Variants in NDEL1 observed in about 807,000 individuals in gnomAD.
NDEL1 encodes nudE neurodevelopment protein 1 like 1.
NDEL1 carries 9 observed loss-of-function variants against 45.7 expected under a neutral mutation model. The observed-to-expected ratio is 0.20, with a 90% CI of 0.12 to 0.34. NDEL1 has a LOEUF of 0.34. Ranked by LOEUF, NDEL1 falls within the 10% of genes least tolerant of loss-of-function variation. The probability of loss-of-function intolerance (pLI) is 1.00; values close to 1 mark genes in which losing one functional copy is unlikely to be tolerated. For missense variants in NDEL1, 306 were observed against 406.2 expected (o/e 0.75, Z 2.12); for synonymous variants, 133 against 158.6 (o/e 0.84, Z 1.21).
At chr17:8,417,633 AC>A (rs888211918) in intron 1 of NDEL1, among the ~76,000 whole-genome samples, 6 of 151,544 alleles carry the variant, frequency 4.0e-5, no homozygotes. Context: ...ATGATTGGGA[AC>A]CCCCCAGAAG....
At chr17:8,463,282 C>A in intron 8 of NDEL1, 1 of 1,547,152 alleles carries the variant, frequency 6.5e-7, no homozygotes, top group South Asian at 1.1e-5. Flanking sequence ...AAATAGTATT[C>A]GTATTACTGT....
At chr17:8,440,026 G>GCTA (rs1909627438) in intron 1 of NDEL1, among the ~76,000 whole-genome samples, 1 of 152,172 alleles carries the variant, frequency 6.6e-6, no homozygotes, top group South Asian at 2.1e-4. Context: ...TAACCACTAT[G>GCTA]CTATGCTGCT....
chr17:8,461,680 G>A (rs1273279526), intron 8 of NDEL1, among the ~76,000 whole-genome samples: 1 of 152,194 alleles, frequency 6.6e-6, no homozygotes, highest in Non-Finnish European at 1.5e-5. Flanking sequence ...GGAATGACTG[G>A]ATGGTTTTAC....
At chr17:8,426,432 T>A (rs1412893421) in intron 1 of NDEL1, among the ~76,000 whole-genome samples, 1 of 152,224 alleles carries the variant, frequency 6.6e-6, no homozygotes, top group Admixed American at 6.5e-5. Context: ...TATAAAGGTA[T>A]GTGAGCACAT....
At position 8,416,443 on chromosome 17, in the gene NDEL1, A is replaced by G. The variant is rs547770139; in HGVS notation, c.-13+3174A>G. 1.3e-3 allele frequency among the ~76,000 whole-genome samples: 202 copies of G among 152,256 alleles called. 6 individuals carry two copies. The highest frequency in any genetic ancestry group is 6.2e-4 in the South Asian group (3 of 4,824). On this transcript the variant is annotated intron_variant, in intron 1 of 4. Coordinates refer to the NDEL1 transcript ENST00000582812. Reference sequence around the variant, plus strand: ...TATACTTGTTGAAGGGTCTGGCTTGATTTAGAATACTTGTTGGAAATGATT... The same window carrying G: ...TATACTTGTTGAAGGGTCTGGCTTGGTTTAGAATACTTGTTGGAAATGATT...
chr17:8,472,070 G>A (rs915039667), downstream of NDEL1, among the ~76,000 whole-genome samples: 1 of 152,122 alleles, frequency 6.6e-6, no homozygotes, highest in Middle Eastern at 3.4e-3. Flanking sequence ...TCTTTTTTTG[G>A]GAGTGAAGGA....
At chr17:8,420,366 T>G (rs1387941865) in intron 1 of NDEL1, among the ~76,000 whole-genome samples, 2 of 152,248 alleles carry the variant, frequency 1.3e-5, no homozygotes, top group African/African-American at 2.4e-5. Context: ...TGTCCCATAC[T>G]AAATATTCAA....
upstream of NDEL1, among the ~76,000 whole-genome samples, chr17:8,430,911 G>A (rs1032376720): frequency 6.6e-6 from 1 of 152,206 alleles, no homozygotes; most frequent in Non-Finnish European, 1.5e-5. Flanking sequence ...ATCTCCCAGG[G>A]AGAAAGCTCA....
intron 1 of NDEL1, among the ~76,000 whole-genome samples, chr17:8,439,640 A>G (rs927161853): frequency 6.6e-6 from 1 of 152,172 alleles, no homozygotes; most frequent in African/African-American, 2.4e-5. Context: ...AGCAATGGTG[A>G]TATCACTGGA....
downstream of NDEL1, among the ~76,000 whole-genome samples, chr17:8,469,466 G>GCAGC (rs1375849105): frequency 6.6e-6 from 1 of 152,064 alleles, no homozygotes; most frequent in Non-Finnish European, 1.5e-5. Flanking sequence ...GCCAATTGCT[G>GCAGC]GTCACTCAGT....
At chr17:8,432,860 C>T (rs1437082971), upstream of NDEL1, among the ~76,000 whole-genome samples, 1 of 152,112 alleles carries the variant, frequency 6.6e-6, no homozygotes, top group East Asian at 1.9e-4. Context: ...GTTTCCTGGG[C>T]ATTTTTCCAC....
chr17:8,446,226 T>G (rs1000286180), intron 3 of NDEL1, among the ~76,000 whole-genome samples: 1 of 152,266 alleles, frequency 6.6e-6, no homozygotes, highest in Admixed American at 6.5e-5. Context: ...ATTTCATTAT[T>G]GTTCATAGCC....
chr17:8,445,631 C>T (rs537953341), intron 2 of NDEL1, 80 bp from the exon 3 acceptor site: 20 of 1,437,344 alleles, frequency 1.4e-5, no homozygotes, highest in Admixed American at 5.5e-5. Context: ...CAAAAATTAT[C>T]GAATTGCTCT....
rs1661366983 is a variant in NDEL1 at position 8,466,955 on chromosome 17, C to T, written c.970C>T (p.Pro324Ser). The T allele has an allele frequency of 6.2e-7, 1 of 1,612,612 alleles. No homozygotes were observed. The change falls in exon 9 of 9, where the codon CCT becomes TCT. Residue 324 changes from proline to serine, a missense_variant. Transcript: ENST00000334527. ...KGAVNGFDPA[P>S]PPPGLGSSRP... ...GGCAGTAAACGGCTTTGACCCCGCT[C>T]CTCCTCCTCCTGGTCTGGGCTCCTC... is the stretch of plus-strand genomic sequence containing the variant.
chr17:8,461,812 A>G (rs929930019), intron 8 of NDEL1, among the ~76,000 whole-genome samples: 32 of 152,136 alleles, frequency 2.1e-4, no homozygotes, highest in African/African-American at 7.2e-4. Flanking sequence ...TAGAGTAGTT[A>G]TTAGTTTCTC....
chr17:8,432,407 C>CA (rs1378017289), upstream of NDEL1, among the ~76,000 whole-genome samples: 1 of 99,678 alleles, frequency 1.0e-5, no homozygotes, highest in African/African-American at 3.9e-5. Flanking sequence ...TTTTTTGAGA[C>CA]AGAGTCTCGC....
rs775348645 is a variant in NDEL1 at position 8,445,858 on chromosome 17, A to G, written c.234A>G (p.Ala78=). ...AAAGACTGAAATATGAAGTGGAGGC[A>G]TTAAAGGTAATTGCAGCAGTAGACG... ...DNQRLKYEVE[A]LKEKLEHQYA... is the part of the protein sequence containing the mutation. Residue 78 remains alanine, a synonymous_variant, in exon 3 of 9, where the codon GCA becomes GCG. Transcript: ENST00000334527. 1.3e-6 allele frequency: 2 copies of G among 1,520,588 alleles called. No individual in the cohort carries two copies. The highest frequency in any genetic ancestry group is 2.4e-5 in the Admixed American group (1 of 42,484). 94.2% of individuals were successfully genotyped at this position (1,520,588 alleles called of 1,614,324 possible).
At chr17:8,449,785 T>G (rs2151723215) in intron 5 of NDEL1, among the ~76,000 whole-genome samples, 1 of 152,338 alleles carries the variant, frequency 6.6e-6, no homozygotes, top group South Asian at 2.1e-4. Context: ...CATCTGTGGA[T>G]GGACATCGAG....
intron 1 of NDEL1, among the ~76,000 whole-genome samples, chr17:8,415,023 C>T (rs1341791602): frequency 6.6e-6 from 1 of 152,172 alleles, no homozygotes; most frequent in Non-Finnish European, 1.5e-5. Flanking sequence ...CCCAGGACTG[C>T]TGAATGTTGT....
Sources: gnomAD v4.1 joint callset for allele counts (sites outside exome capture counted in the v4.1 genomes callset) on GRCh38, gnomAD v4.1.1 for gene constraint, MANE v1.5 for transcripts, NCBI Gene and HGNC (gene_info 2026-07-23, HGNC 2026-07-21) for gene names.